Variants in ATP2C2 observed in about 807,000 individuals in gnomAD.
ATP2C2 encodes the protein calcium-transporting ATPase type 2C member 2.
Under a neutral mutation model 110.8 loss-of-function variants are expected in ATP2C2, and 171 were observed. That is an observed-to-expected ratio of 1.54 (90% CI 1.36 to 1.75). The LOEUF is 1.75. ATP2C2 is among the 40% of genes most tolerant of loss of function. The pLI is 0.00. For synonymous variants in ATP2C2, 804 were observed against 508.4 expected, an observed-to-expected ratio of 1.58 and a Z score of -7.82; for missense variants, 1,963 against 1,235.0, an observed-to-expected ratio of 1.59 and a Z score of -8.84.
chr16:84,422,321 T>C (rs983637539), intron 7 of ATP2C2, 69 bp from the exon 8 acceptor site: 1 of 1,533,842 alleles, frequency 6.5e-7, no homozygotes, highest in African/African-American at 1.4e-5. Context: ...CTGGTACCAT[T>C]TTGTGCTTTT....
rs867656868 is a variant in ATP2C2, at chr16:84,379,744, G to A, written c.99+11030G>A. ...GCCAGGCCCTCTTGCAGATACTAGA[G>A]ACAAAAGAGTGAGCAAAGCGCTGAT... is the stretch of plus-strand genomic sequence containing the variant. On this transcript the variant is annotated intron_variant, in intron 1 of 26. Coordinates refer to ENST00000262429, the MANE Select transcript of ATP2C2 (RefSeq NM_014861.4). Among the ~76,000 whole-genome samples, 4 of 152,176 alleles carry A rather than the reference G, an allele frequency of 2.6e-5. No individual in the cohort carries two copies. The South Asian group carries it at 8.3e-4, about 32-fold the overall frequency.
chr16:84,426,427 A>G (rs1334702097), intron 11 of ATP2C2, among the ~76,000 whole-genome samples: 3 of 152,134 alleles, frequency 2.0e-5, no homozygotes, highest in Admixed American at 6.5e-5. Context: ...ACACACATTC[A>G]AACTGTATCA....
intron 1 of ATP2C2, among the ~76,000 whole-genome samples, chr16:84,391,464 T>A (rs1567690742): frequency 6.6e-6 from 1 of 152,228 alleles, no homozygotes; most frequent in East Asian, 1.9e-4. Context: ...ATAGGGTCTT[T>A]ATCCATGCAG....
At chr16:84,449,600 C>T (rs1242128162) in intron 17 of ATP2C2, among the ~76,000 whole-genome samples, 1 of 152,178 alleles carries the variant, frequency 6.6e-6, no homozygotes, top group Non-Finnish European at 1.5e-5. Flanking sequence ...GTTTCGGTGG[C>T]AGAGAAGCCA....
chr16:84,398,099 A>T (rs1325297840), intron 1 of ATP2C2, among the ~76,000 whole-genome samples: 2 of 151,682 alleles, frequency 1.3e-5, no homozygotes, highest in African/African-American at 4.9e-5. Context: ...TGTGTGTTTT[A>T]TGCTTTAAAA....
intron 1 of ATP2C2, among the ~76,000 whole-genome samples, chr16:84,396,642 G>C (rs1026032606): frequency 6.6e-6 from 1 of 151,742 alleles, no homozygotes; most frequent in Non-Finnish European, 1.5e-5. Flanking sequence ...TGTGGGGGAT[G>C]GGGGGAGTGC....
chr16:84,423,344 C>A, intron 10 of ATP2C2, 81 bp downstream of exon 10: 1 of 1,325,956 alleles, frequency 7.5e-7, no homozygotes, highest in South Asian at 1.2e-5. Context: ...GGCCGTTTCT[C>A]AAATATCTTG....
At chr16:84,400,357 C>G (rs1390879142) in intron 2 of ATP2C2, among the ~76,000 whole-genome samples, 1 of 144,312 alleles carries the variant, frequency 6.9e-6, no homozygotes, top group Non-Finnish European at 1.5e-5. Flanking sequence ...GATGGAGTCT[C>G]ACTCTGTCAC....
rs752617865 is a variant in ATP2C2, at chr16:84,463,772, C to G, written c.*40C>G. On this transcript the variant is annotated 3_prime_UTR_variant, in exon 27 of 27. Transcript: ENST00000262429. ...CGGCACCTTCCCTAATCATCTCGAT[C>G]TGGTTGTGACTGTGGCCCCTGCCGT... 1.3e-6 allele frequency: 2 copies of G among 1,530,954 alleles called. No individual in the cohort carries two copies. Among genetic ancestry groups the G allele is most frequent in the South Asian group, 1.1e-5 (1 of 89,326 alleles). 94.8% of individuals were successfully genotyped at this position (1,530,954 alleles called of 1,614,324 possible). A position where few individuals can be genotyped will look rare whatever the true frequency, so the allele number is the denominator to read the frequency against.
At chr16:84,432,731 G>T (rs1908393036) in intron 11 of ATP2C2, among the ~76,000 whole-genome samples, 1 of 152,076 alleles carries the variant, frequency 6.6e-6, no homozygotes, top group South Asian at 2.1e-4. Flanking sequence ...ATGTTGGCCA[G>T]GCTCATCTCG....
chr16:84,375,181 C>T (rs1307627930), intron 1 of ATP2C2, among the ~76,000 whole-genome samples: 1 of 152,188 alleles, frequency 6.6e-6, no homozygotes, highest in South Asian at 2.1e-4. Flanking sequence ...GACACTGAAA[C>T]AGATGCTGTA....
intron 6 of ATP2C2, among the ~76,000 whole-genome samples, chr16:84,412,369 T>TGCATGTGA (rs1906413455): frequency 9.0e-6 from 1 of 110,644 alleles, no homozygotes; most frequent in Non-Finnish European, 2.1e-5. Context: ...TGTGCATGTG[T>TGCATGTGA]GTGTGCGTGT....
chr16:84,410,492 G>A lies in ATP2C2; in HGVS notation c.418-76G>A, dbSNP rs183997050. The A allele has an allele frequency of 2.6e-5, 38 of 1,479,252 alleles. No homozygotes were observed. In the African/African-American group the frequency reaches 5.0e-4, roughly 19 times the overall value. 91.6% of individuals were successfully genotyped at this position (1,479,252 alleles called of 1,614,324 possible). On this transcript the variant is annotated intron_variant, in intron 4 of 26. Transcript: ENST00000262429. ...AAAGGAAATCAATCATTAAAGACAA[G>A]CCCCTAGCCTGCCACGCCCTGTCCC... is the stretch of plus-strand genomic sequence containing the variant.
intron 2 of ATP2C2, among the ~76,000 whole-genome samples, chr16:84,400,872 A>C (rs1409966981): frequency 6.6e-6 from 1 of 152,192 alleles, no homozygotes; most frequent in Non-Finnish European, 1.5e-5. Flanking sequence ...TCTTCTTTTG[A>C]GGAATGTCTA....
chr16:84,422,830 T>A, intron 9 of ATP2C2, 133 bp downstream of exon 9: 1 of 1,038,922 alleles, frequency 9.6e-7, no homozygotes, highest in Admixed American at 2.9e-5. Context: ...TTTTAAACAT[T>A]TAATTTTTTT....
intron 7 of ATP2C2, among the ~76,000 whole-genome samples, chr16:84,420,423 G>A (rs59006942): frequency 0.17 from 25,447 of 149,702 alleles, 2,249 homozygotes; most frequent in South Asian, 0.26. Flanking sequence ...CCTTCTCTTC[G>A]TAGTTTTCTT....
At chr16:84,375,207 A>G (rs906337475) in intron 1 of ATP2C2, among the ~76,000 whole-genome samples, 1 of 152,256 alleles carries the variant, frequency 6.6e-6, no homozygotes, top group African/African-American at 2.4e-5. Flanking sequence ...ATATGTAATG[A>G]CACAGTGGAC....
intron 13 of ATP2C2, 49 bp from the exon 14 acceptor site, chr16:84,440,808 G>A: frequency 7.0e-7 from 1 of 1,433,138 alleles, no homozygotes; most frequent in Non-Finnish European, 9.7e-7. Context: ...AACTGGGGGA[G>A]CATGTTTTTG....
intron 1 of ATP2C2, among the ~76,000 whole-genome samples, chr16:84,389,384 C>T (rs7189201): frequency 0.33 from 50,614 of 152,136 alleles, 8,721 homozygotes; most frequent in East Asian, 0.45. Flanking sequence ...GTGACCACCA[C>T]GCGAGTTTTG....
Sources: gnomAD v4.1 joint callset for allele counts (sites outside exome capture counted in the v4.1 genomes callset) on GRCh38, gnomAD v4.1.1 for gene constraint, MANE v1.5 for transcripts, NCBI Gene and HGNC (gene_info 2026-07-23, HGNC 2026-07-21) for gene names.